The following SDC1 variants were observed in gnomAD, a reference collection of about 807,000 sequenced individuals.
SDC1 encodes syndecan-1.
SDC1 carries 14 observed loss-of-function variants against 29.7 expected under a neutral mutation model. The observed-to-expected ratio is 0.47, with a 90% CI of 0.31 to 0.74. The LOEUF (loss-of-function observed/expected upper bound fraction) is 0.74, where lower values mean the gene tolerates loss of function less well. Among genes scored for constraint, SDC1 ranks in the 30% least tolerant of loss-of-function variants. The pLI, the probability that SDC1 is intolerant of heterozygous loss-of-function variation, is 0.05. For synonymous variants in SDC1, 204 were observed against 175.5 expected (o/e 1.16, Z -1.29); for missense variants, 406 against 400.3 (o/e 1.01, Z -0.12).
chr2:20,223,360 G>A (rs1400295150), intron 1 of SDC1: 1 of 1,181,622 alleles, frequency 8.5e-7, no homozygotes, highest in Non-Finnish European at 1.1e-6. Context: ...CAGCGCTGCT[G>A]AGACTTGTCC....
rs756047389 is a variant in SDC1 at position 20,203,175 on chromosome 2, C to T, written c.675G>A (p.Val225=). The T allele has an allele frequency of 1.9e-6, 3 of 1,612,846 alleles. No homozygotes were observed. In the East Asian group the frequency reaches 6.7e-5, roughly 36 times the overall value. Residue 225 remains valine, a synonymous_variant, in exon 4 of 5, where the codon GTG becomes GTA. Transcript: ENST00000254351. ...GGGACTGGTTCCGGCGGTCAGGCTC[C>T]ACGGCCACTACAGCCGTATTCTCCC... ...TSGENTAVVA[V]EPDRRNQSPV...
rs1394486699 is a variant in SDC1 at position 20,201,944 on chromosome 2, G to C, written c.*822C>G. 2 of 283,430 alleles carry C rather than the reference G, an allele frequency of 7.1e-6. No individual in the cohort carries two copies. Among genetic ancestry groups the C allele is most frequent in the Non-Finnish European group, 1.3e-5 (2 of 154,274 alleles). The allele number at this position is 283,430 out of a possible 1,614,324, so 17.6% of individuals were successfully genotyped here. ...TGCTTGAAAGAGGCGGCGGCCCCAC[G>C]GCAGCCTGGACTGGCCAGCCTGCCA... On this transcript the variant is annotated 3_prime_UTR_variant, in exon 5 of 5. Coordinates refer to ENST00000254351, the MANE Select transcript of SDC1 (RefSeq NM_002997.5).
At chr2:20,223,143 A>G in intron 1 of SDC1, 1 of 764,084 alleles carries the variant, frequency 1.3e-6, no homozygotes, top group Non-Finnish European at 1.9e-6. Flanking sequence ...CAGCCCATTC[A>G]CAGTTCAATA....
intron 1 of SDC1, among the ~76,000 whole-genome samples, chr2:20,212,996 G>A (rs764625077): frequency 6.6e-6 from 1 of 152,182 alleles, no homozygotes; most frequent in Non-Finnish European, 1.5e-5. Context: ...GGTCAAGGTC[G>A]CAGAGCCGAG....
chr2:20,213,150 T>C (rs975748407), intron 1 of SDC1, among the ~76,000 whole-genome samples: 3 of 152,084 alleles, frequency 2.0e-5, no homozygotes, highest in Non-Finnish European at 4.4e-5. Context: ...AGCACCCCCA[T>C]ACCTACCCTT....
In SDC1 at chr2:20,223,910, G is replaced by A. The variant is rs140912312; in HGVS notation, c.66+892C>T. 4.1e-3 allele frequency among the ~76,000 whole-genome samples: 625 copies of A among 152,208 alleles called. 4 individuals carry two copies. Among genetic ancestry groups the A allele is most frequent in the African/African-American group, 0.015 (606 of 41,560 alleles). ...CCACCCAAAGGCCTCTTACAGCCCC[G>A]AGCTCCACATCTGCCCCTCTTTTCT... On this transcript the variant is annotated intron_variant, in intron 1 of 4. Transcript: ENST00000254351.
chr2:20,205,976 A>AGGGGC lies in SDC1; in HGVS notation c.67-557_67-553dup, dbSNP rs1392118436. On this transcript the variant is annotated intron_variant, in intron 1 of 4. Transcript: ENST00000254351. ...GGATACCGAGGACGGCACAAGGGGC[A>AGGGGC]GGGGCAGGGCTGGGCACAAGGAACT... 5.3e-5 allele frequency among the ~76,000 whole-genome samples: 8 copies of AGGGGC among 152,324 alleles called. 1 individual carries two copies. The highest frequency in any genetic ancestry group is 5.2e-4 in the Admixed American group (8 of 15,306).
At chr2:20,203,018 T>C in intron 4 of SDC1, 69 bp downstream of exon 4, 1 of 1,566,038 alleles carries the variant, frequency 6.4e-7, no homozygotes, top group Non-Finnish European at 8.7e-7. Flanking sequence ...TGGCCTTGGC[T>C]GTGGTCAGCC....
Position 20,202,275 on chromosome 2 carries a change from T to C in SDC1, c.*491A>G, listed in dbSNP as rs1677037212. 1.3e-6 allele frequency: 1 copy of C among 779,168 alleles called. No individual in the cohort carries two copies. The highest frequency in any genetic ancestry group is 2.4e-6 in the Non-Finnish European group (1 of 417,812). 48.3% of individuals were successfully genotyped at this position (779,168 alleles called of 1,614,324 possible). ...GTGCAAAAACAAGTCGATATCTAGATTAGACCTCCCCACGAAACAAAGTGG... is the reference window on the plus strand; with the variant it reads ...GTGCAAAAACAAGTCGATATCTAGACTAGACCTCCCCACGAAACAAAGTGG... On this transcript the variant is annotated 3_prime_UTR_variant, in exon 5 of 5. Coordinates refer to ENST00000254351, the MANE Select transcript of SDC1 (RefSeq NM_002997.5).
At chr2:20,203,030 C>T in intron 4 of SDC1, 57 bp downstream of exon 4, 2 of 1,569,890 alleles carry the variant, frequency 1.3e-6, no homozygotes, top group Non-Finnish European at 1.7e-6. Context: ...TGGTCAGCCC[C>T]ACCCTGACCC....
At chr2:20,208,232 T>C (rs188981521) in intron 1 of SDC1, 95 of 432,966 alleles carry the variant, frequency 2.2e-4, no homozygotes, top group Admixed American at 1.9e-3. Flanking sequence ...CCCAACACGT[T>C]AGCAGTTTCC....
rs1359060969 is a variant in SDC1 at position 20,224,468 on chromosome 2, G to T, written c.66+334C>A. On this transcript the variant is annotated intron_variant, in intron 1 of 4. Coordinates refer to ENST00000254351, the MANE Select transcript of SDC1 (RefSeq NM_002997.5). The surrounding 1 kb of genome is among the most constrained non-coding windows in gnomAD (Gnocchi z 4.9). ...TCACCGACGGGGGCCCGGCCGCCGC[G>T]GTGGCCGGGGCGAGGAGGGTGGGAA... 6.6e-6 allele frequency among the ~76,000 whole-genome samples: 1 copy of T among 151,706 alleles called. No homozygotes were observed. The highest frequency in any genetic ancestry group is 1.5e-5 in the Non-Finnish European group (1 of 67,876).
chr2:20,209,109 C>T (rs533456616), intron 1 of SDC1, among the ~76,000 whole-genome samples: 1 of 152,276 alleles, frequency 6.6e-6, no homozygotes, highest in South Asian at 2.1e-4. Context: ...GTCTCCTGGC[C>T]ATACCCTGGG....
At chr2:20,212,934 G>A (rs1300957378) in intron 1 of SDC1, among the ~76,000 whole-genome samples, 1 of 152,212 alleles carries the variant, frequency 6.6e-6, no homozygotes, top group Non-Finnish European at 1.5e-5. Flanking sequence ...CTACTTTCGG[G>A]TAATATTTTC....
In SDC1 at chr2:20,204,257, G is replaced by C; in HGVS notation, c.183C>G (p.Thr61=). The part of the protein sequence containing the change: ...ALQDITLSQQ[T]PSTWKDTQLL... Reference sequence around the variant, plus strand: ...GCTGCGTGTCCTTCCAAGTGGAGGGGGTCTGCTGTGACAAGGTGATATCTT... The same window carrying C: ...GCTGCGTGTCCTTCCAAGTGGAGGGCGTCTGCTGTGACAAGGTGATATCTT... Residue 61 remains threonine, a synonymous_variant, in exon 3 of 5, where the codon ACC becomes ACG. Coordinates refer to ENST00000254351, the MANE Select transcript of SDC1 (RefSeq NM_002997.5). 1 of 1,596,602 alleles carries C rather than the reference G, an allele frequency of 6.3e-7. No individual in the cohort carries two copies. The highest frequency in any genetic ancestry group is 8.5e-7 in the Non-Finnish European group (1 of 1,178,292).
chr2:20,216,982 C>T (rs1677646211), intron 1 of SDC1, among the ~76,000 whole-genome samples: 1 of 152,172 alleles, frequency 6.6e-6, no homozygotes, highest in Non-Finnish European at 1.5e-5. Context: ...GTTCCCTGAA[C>T]ACCTTTGGAG....
intron 1 of SDC1, chr2:20,223,352 G>A (rs971173468): frequency 2.6e-5 from 32 of 1,221,092 alleles, no homozygotes; most frequent in Non-Finnish European, 3.2e-5. Flanking sequence ...CGGAGGGTCA[G>A]CGCTGCTGAG....
rs1677089098 is a variant in SDC1 at position 20,203,070 on chromosome 2, C to T, written c.763+17G>A. 1.3e-6 allele frequency: 2 copies of T among 1,588,622 alleles called. No individual in the cohort carries two copies. Among genetic ancestry groups the T allele is most frequent in the South Asian group, 1.1e-5 (1 of 89,246 alleles). ...GCAGCAATTCACCCCAAACTACCCC[C>T]CTGAAAGAAAACTCACCTCCCAGCA... On this transcript the variant is annotated intron_variant, in intron 4 of 4. Coordinates refer to ENST00000254351, the MANE Select transcript of SDC1 (RefSeq NM_002997.5).
chr2:20,205,386 A>G lies in SDC1; in HGVS notation c.105T>C (p.Asp35=). 6.2e-7 allele frequency: 1 copy of G among 1,614,118 alleles called. No individual in the cohort carries two copies. The highest frequency in any genetic ancestry group is 1.1e-5 in the South Asian group (1 of 91,082). ...VATNLPPEDQ[D]GSGDDSDNFS... is the part of the protein sequence containing the mutation. ...AGTTGTCAGAGTCATCCCCAGAGCC[A>G]TCTTGATCTTCAGGGGGCAAATTAG... Residue 35 remains aspartate (D), a synonymous_variant, in exon 2 of 5, where the codon GAT becomes GAC. Transcript: ENST00000254351.
Sources: allele counts gnomAD v4.1 joint callset (sites outside exome capture counted in the v4.1 genomes callset), GRCh38; gene constraint gnomAD v4.1.1; non-coding constraint Gnocchi (gnomAD v3.1); transcripts MANE v1.5; gene names NCBI Gene and HGNC (gene_info 2026-07-23, HGNC 2026-07-21).